SDK2: variants seen among roughly 807,000 people sequenced by gnomAD.
SDK2 encodes sidekick cell adhesion molecule 2, also known as protein sidekick-2.
A neutral mutation model predicts 253.9 loss-of-function variants in SDK2; 105 were observed. That is an observed-to-expected ratio of 0.41 (90% confidence interval 0.35 to 0.49). The LOEUF (loss-of-function observed/expected upper bound fraction) is 0.49, where lower values mean the gene tolerates loss of function less well. Ranked by LOEUF, SDK2 falls within the 20% of genes least tolerant of loss-of-function variation. The pLI, the probability that SDK2 is intolerant of heterozygous loss-of-function variation, is 0.06. For missense variants in SDK2, 2,608 were observed against 3,003.0 expected (o/e 0.87, Z 3.07); for synonymous variants, 1,249 against 1,234.9 (o/e 1.01, Z -0.24).
chr17:73,442,679 G>C (rs1200512160), intron 5 of SDK2, among the ~76,000 whole-genome samples: 1 of 152,102 alleles, frequency 6.6e-6, no homozygotes, highest in African/African-American at 2.4e-5. Context: ...CCTCCAGCAC[G>C]AAGAAGGATG....
intron 1 of SDK2, among the ~76,000 whole-genome samples, chr17:73,636,061 T>C (rs1157310803): frequency 6.6e-6 from 1 of 152,116 alleles, no homozygotes; most frequent in Non-Finnish European, 1.5e-5. Flanking sequence ...TACAATTGTC[T>C]GGGCATCTCC....
At chr17:73,407,858 G>A (rs2063091745) in intron 18 of SDK2, among the ~76,000 whole-genome samples, 2 of 152,114 alleles carry the variant, frequency 1.3e-5, no homozygotes, top group Admixed American at 6.6e-5. Context: ...GAAAATTCTT[G>A]TTTTTGAAAG....
chr17:73,604,610 C>T (rs1567868362), intron 1 of SDK2, among the ~76,000 whole-genome samples: 1 of 152,192 alleles, frequency 6.6e-6, no homozygotes, highest in Non-Finnish European at 1.5e-5. Context: ...TGCAACAGTC[C>T]AGGAGACCTT....
At chr17:73,498,053 G>T (rs751166938) in intron 2 of SDK2, among the ~76,000 whole-genome samples, 2 of 152,130 alleles carry the variant, frequency 1.3e-5, no homozygotes, top group African/African-American at 4.8e-5. Context: ...TTGAAAGCAC[G>T]CATCAAAACT....
chr17:73,401,623 C>T (rs753569056), intron 20 of SDK2, 31 bp downstream of exon 20: 12 of 1,544,172 alleles, frequency 7.8e-6, no homozygotes, highest in Non-Finnish European at 1.1e-5. Context: ...CCCTGTCCTG[C>T]CCTCTGGTTC....
intron 1 of SDK2, among the ~76,000 whole-genome samples, chr17:73,524,538 G>A (rs1440450800): frequency 6.6e-6 from 1 of 152,182 alleles, no homozygotes; most frequent in African/African-American, 2.4e-5. Flanking sequence ...TCCAGACAGA[G>A]TGATGTGAGA....
chr17:73,601,283 G>A (rs972624147), intron 1 of SDK2, among the ~76,000 whole-genome samples: 3 of 152,062 alleles, frequency 2.0e-5, no homozygotes, highest in East Asian at 1.9e-4. Flanking sequence ...GCCTCCCAAA[G>A]TGCTGGGATT....
intron 30 of SDK2, 91 bp downstream of exon 30, chr17:73,387,745 T>C: frequency 1.6e-6 from 2 of 1,243,294 alleles, no homozygotes; most frequent in South Asian, 3.1e-5. Flanking sequence ...GCTGGAGGTG[T>C]TTTCAGAAGG....
chr17:73,412,377 A>T (rs2063146962), intron 18 of SDK2, among the ~76,000 whole-genome samples: 1 of 151,296 alleles, frequency 6.6e-6, no homozygotes, highest in Admixed American at 6.6e-5. Context: ...ACCTCAGGTA[A>T]TCCACCCACC....
At chr17:73,423,719 C>A (rs890580318) in intron 13 of SDK2, among the ~76,000 whole-genome samples, 197 bp from the exon 14 acceptor site, 2 of 152,222 alleles carry the variant, frequency 1.3e-5, no homozygotes, top group African/African-American at 4.8e-5. Context: ...TCCTCACACC[C>A]CCCTGCTCTT....
At chr17:73,389,282 C>A (rs909861117) in intron 29 of SDK2, among the ~76,000 whole-genome samples, 1 of 146,414 alleles carries the variant, frequency 6.8e-6, no homozygotes, top group African/African-American at 2.5e-5. Flanking sequence ...CTCGCAGGTT[C>A]AAGCGATTCT....
Position 73,379,323 on chromosome 17 carries a change from T to C in SDK2, c.4865-31A>G, listed in dbSNP as rs752694148. On this transcript the variant is annotated intron_variant, in intron 35 of 44. Transcript: ENST00000392650. The surrounding 1 kb of genome is among the most constrained non-coding windows in gnomAD (Gnocchi z 4.5). Reference sequence around the variant, plus strand: ...GGGCGTGCAGGGTAGGCAGTGAGCATGCGAGTAAACCTGGGAGGGGAGGTG... The same window carrying C: ...GGGCGTGCAGGGTAGGCAGTGAGCACGCGAGTAAACCTGGGAGGGGAGGTG... The C allele has an allele frequency of 7.8e-7, 1 of 1,283,852 alleles. No individual in the cohort carries two copies. Among genetic ancestry groups the C allele is most frequent in the East Asian group, 3.3e-5 (1 of 30,696 alleles). The allele number at this position is 1,283,852 out of a possible 1,614,324, so 79.5% of individuals were successfully genotyped here. A position where few individuals can be genotyped will look rare whatever the true frequency, so the allele number is the denominator to read the frequency against.
At position 73,379,473 on chromosome 17, in the gene SDK2, C is replaced by T. The variant is rs144878236; in HGVS notation, c.4839G>A (p.Pro1613=). 1,047 of 1,609,362 alleles carry T rather than the reference C, an allele frequency of 6.5e-4. 5 individuals carry two copies. The African/African-American group carries it at 9.9e-3, about 15-fold the overall frequency. The change falls in exon 35 of 45, where the codon CCG becomes CCA. Residue 1613 remains proline, a synonymous_variant. Transcript: ENST00000392650. The surrounding 1 kb of genome is among the most constrained non-coding windows in gnomAD (Gnocchi z 4.5). ...CTGCCTCCCCAACAAAGACCTCCTG[C>T]GGGGGGCTGGAGGGCCCCTCACCCA... ...NAVGEGPSSP[P]QEVFVGEAVP...
chr17:73,492,841 C>G (rs1431806598), intron 2 of SDK2, among the ~76,000 whole-genome samples: 3 of 151,968 alleles, frequency 2.0e-5, no homozygotes, highest in Admixed American at 1.3e-4. Context: ...GGGAGTCAGG[C>G]GCCACGGCAG....
intron 18 of SDK2, among the ~76,000 whole-genome samples, chr17:73,406,496 C>T (rs570119294): frequency 2.6e-5 from 4 of 151,260 alleles, no homozygotes; most frequent in Non-Finnish European, 5.9e-5. Context: ...ATGATCTGCC[C>T]GCCTCGGCCT....
At chr17:73,507,632 A>G in intron 1 of SDK2, 35 bp from the exon 2 acceptor site, 1 of 1,545,014 alleles carries the variant, frequency 6.5e-7, no homozygotes, top group Non-Finnish European at 8.7e-7. Context: ...ACCAGTGATC[A>G]CTTGCTCACC....
At chr17:73,620,882 T>G (rs2046124502) in intron 1 of SDK2, among the ~76,000 whole-genome samples, 1 of 152,194 alleles carries the variant, frequency 6.6e-6, no homozygotes. Flanking sequence ...AACTGCTTAA[T>G]GGGTAAGGGG....
In SDK2 at chr17:73,616,150, C is replaced by G. The variant is rs1189595978; in HGVS notation, c.64+27875G>C. On this transcript the variant is annotated intron_variant, in intron 1 of 44. Transcript: ENST00000392650. The surrounding 1 kb of genome is among the most constrained non-coding windows in gnomAD (Gnocchi z 5.2). ...TTGTGGAATCGGTACCTCCTCTTCC[C>G]CAGAACATCAGGAAGCGACCAGAAA... Among the ~76,000 whole-genome samples the G allele has an allele frequency of 6.6e-6, 1 of 152,158 alleles. No homozygotes were observed. Among genetic ancestry groups the G allele is most frequent in the Non-Finnish European group, 1.5e-5 (1 of 68,038 alleles).
chr17:73,372,748 A>G (rs910701336), intron 36 of SDK2, among the ~76,000 whole-genome samples: 10 of 152,116 alleles, frequency 6.6e-5, no homozygotes, highest in African/African-American at 2.4e-4. Context: ...CTCGAAAAAA[A>G]CAAACAAACA....
Sources: gnomAD v4.1 joint callset for allele counts (sites outside exome capture counted in the v4.1 genomes callset) on GRCh38, gnomAD v4.1.1 for gene constraint, Gnocchi (gnomAD v3.1) non-coding constraint, MANE v1.5 for transcripts, NCBI Gene and HGNC (gene_info 2026-07-23, HGNC 2026-07-21) for gene names.